The following GRIP1 variants were observed in gnomAD, a reference collection of about 807,000 sequenced individuals.
GRIP1 encodes glutamate receptor interacting protein 1.
A neutral mutation model predicts 129.9 loss-of-function variants in GRIP1; 45 were observed. That is an observed-to-expected ratio of 0.35 (90% CI 0.27 to 0.44). GRIP1 has a LOEUF of 0.44. GRIP1 is among the 20% of genes least tolerant of loss of function. GRIP1 has a pLI of 1.00. For synonymous variants in GRIP1, 530 were observed against 520.8 expected, an observed-to-expected ratio of 1.02 and a Z score of -0.24; for missense variants, 1,196 against 1,396.8, an observed-to-expected ratio of 0.86 and a Z score of 2.29.
chr12:66,813,631 A>T (rs1410198744), intron 1 of GRIP1, among the ~76,000 whole-genome samples: 2 of 152,236 alleles, frequency 1.3e-5, no homozygotes, highest in Non-Finnish European at 1.5e-5. Flanking sequence ...GATCCATTCA[A>T]CCAAAGGTGT....
intron 2 of GRIP1, among the ~76,000 whole-genome samples, chr12:66,580,998 A>G (rs1159157472): frequency 1.3e-5 from 2 of 152,210 alleles, no homozygotes; most frequent in Non-Finnish European, 2.9e-5. Flanking sequence ...AATTGACCAC[A>G]TAGTTGGAAG....
At chr12:66,696,865 G>A (rs962277039) in intron 1 of GRIP1, among the ~76,000 whole-genome samples, 8 of 151,586 alleles carry the variant, frequency 5.3e-5, no homozygotes, top group Non-Finnish European at 7.4e-5. Context: ...GATCCAAGAG[G>A]GATGTTAGGC....
chr12:66,689,987 T>C (rs1255655805), intron 1 of GRIP1, among the ~76,000 whole-genome samples: 3 of 152,140 alleles, frequency 2.0e-5, no homozygotes, highest in Admixed American at 6.5e-5. Flanking sequence ...GATGTGATCA[T>C]GGCTTGCTGT....
upstream of GRIP1, among the ~76,000 whole-genome samples, chr12:66,805,461 T>A (rs1044966940): frequency 2.6e-5 from 4 of 152,282 alleles, no homozygotes; most frequent in Admixed American, 2.6e-4. Flanking sequence ...AAAATCTGAT[T>A]TGTTTACAAT....
At chr12:66,602,661 T>G (rs1370339484) in intron 1 of GRIP1, among the ~76,000 whole-genome samples, 1 of 152,074 alleles carries the variant, frequency 6.6e-6, no homozygotes, top group Non-Finnish European at 1.5e-5. Flanking sequence ...AGAGGCAGTG[T>G]GCTTCCCTGT....
intron 1 of GRIP1, among the ~76,000 whole-genome samples, chr12:67,001,202 T>G (rs1000119518): frequency 6.6e-6 from 1 of 152,180 alleles, no homozygotes; most frequent in African/African-American, 2.4e-5. Flanking sequence ...GTTCTGATTG[T>G]CTCTCCAGAT....
chr12:66,784,237 C>T (rs926509078), intron 1 of GRIP1, among the ~76,000 whole-genome samples: 2 of 152,110 alleles, frequency 1.3e-5, no homozygotes, highest in South Asian at 2.1e-4. Flanking sequence ...ACGTGGCCTA[C>T]TTTCACTCCC....
At chr12:66,578,175 G>A (rs911247561) in intron 2 of GRIP1, among the ~76,000 whole-genome samples, 4 of 150,106 alleles carry the variant, frequency 2.7e-5, no homozygotes, top group Non-Finnish European at 5.9e-5. Flanking sequence ...GCCAAGGCAG[G>A]TGGATCAACA....
chr12:66,581,212 C>T (rs1158241328), intron 2 of GRIP1, among the ~76,000 whole-genome samples: 2 of 152,046 alleles, frequency 1.3e-5, no homozygotes, highest in Non-Finnish European at 2.9e-5. Flanking sequence ...CCAAAGAGAA[C>T]AAAGATACAA....
intron 1 of GRIP1, among the ~76,000 whole-genome samples, chr12:66,728,430 C>G (rs902819056): frequency 1.3e-5 from 2 of 152,112 alleles, no homozygotes; most frequent in African/African-American, 4.8e-5. Context: ...CTGCCAAACT[C>G]TAAGATGGCC....
chr12:66,539,762 C>A (rs7300413), intron 3 of GRIP1, among the ~76,000 whole-genome samples: 1 of 151,656 alleles, frequency 6.6e-6, no homozygotes, highest in Admixed American at 6.6e-5. Flanking sequence ...TTATTGCTTA[C>A]AGCAGGATTG....
intron 1 of GRIP1, among the ~76,000 whole-genome samples, chr12:66,894,137 C>A (rs973510070): frequency 6.6e-6 from 1 of 152,190 alleles, no homozygotes; most frequent in Non-Finnish European, 1.5e-5. Flanking sequence ...AACTAAAGTA[C>A]CTCCCTTTCC....
intron 1 of GRIP1, among the ~76,000 whole-genome samples, chr12:66,676,042 G>A (rs1349729698): frequency 1.3e-5 from 2 of 151,992 alleles, no homozygotes; most frequent in African/African-American, 4.8e-5. Flanking sequence ...AGTGATCCAA[G>A]GACTTGTCTA....
intron 2 of GRIP1, among the ~76,000 whole-genome samples, chr12:66,561,713 G>C (rs958999405): frequency 6.6e-6 from 1 of 152,016 alleles, no homozygotes; most frequent in Non-Finnish European, 1.5e-5. Flanking sequence ...TGAGAGAACT[G>C]AAGTATATGG....
chr12:66,577,760 G>C (rs1308147422), intron 2 of GRIP1, among the ~76,000 whole-genome samples: 1 of 151,988 alleles, frequency 6.6e-6, no homozygotes, highest in Non-Finnish European at 1.5e-5. Context: ...AACCATCCTG[G>C]GCAACATGGC....
At position 66,504,495 on chromosome 12, in the gene GRIP1, G is replaced by A. The variant is rs190201468; in HGVS notation, c.724+11124C>T. Among the ~76,000 whole-genome samples, 601 of 152,240 alleles carry A rather than the reference G, an allele frequency of 3.9e-3. 10 individuals carry two copies. Among genetic ancestry groups the A allele is most frequent in the Non-Finnish European group, 1.3e-3 (90 of 68,020 alleles). On this transcript the variant is annotated intron_variant, in intron 7 of 24. Transcript: ENST00000359742. Reference sequence around the variant, plus strand: ...AGTGGGTGTGGGATGGTAATAAGATGCATTTGTAATCATATGTACCTGTAG... The same window carrying A: ...AGTGGGTGTGGGATGGTAATAAGATACATTTGTAATCATATGTACCTGTAG...
chr12:66,677,582 G>A (rs1429745990), intron 1 of GRIP1, among the ~76,000 whole-genome samples: 1 of 152,138 alleles, frequency 6.6e-6, no homozygotes, highest in Admixed American at 6.5e-5. Context: ...AGAATTTACA[G>A]CCTCCTGCTA....
At chr12:66,510,107 A>G (rs144667345) in intron 7 of GRIP1, among the ~76,000 whole-genome samples, 1 of 152,316 alleles carries the variant, frequency 6.6e-6, no homozygotes, top group East Asian at 1.9e-4. Flanking sequence ...ATTTGTTCAC[A>G]ATTTATTGAG....
chr12:66,452,858 A>T (rs1007104389), intron 11 of GRIP1, among the ~76,000 whole-genome samples: 1 of 151,994 alleles, frequency 6.6e-6, no homozygotes. Flanking sequence ...ATCCTCACTT[A>T]AAAAAAACAA....
Sources: allele counts gnomAD v4.1 joint callset (sites outside exome capture counted in the v4.1 genomes callset), GRCh38; gene constraint gnomAD v4.1.1; transcripts MANE v1.5; gene names NCBI Gene and HGNC (gene_info 2026-07-23, HGNC 2026-07-21).